LIPH: variants seen among roughly 807,000 people sequenced by gnomAD.
LIPH encodes lipase H, also known as lipase member H.
LIPH carries 32 observed loss-of-function variants against 47.6 expected under a neutral mutation model. That is an observed-to-expected ratio of 0.67 (90% CI 0.51 to 0.90). The LOEUF (loss-of-function observed/expected upper bound fraction) is 0.90, where lower values mean the gene tolerates loss of function less well. Among genes scored for constraint, LIPH ranks in the 40% least tolerant of loss-of-function variants. LIPH has a pLI of 0.00. For synonymous variants in LIPH, 190 were observed against 195.6 expected, an observed-to-expected ratio of 0.97 and a Z score of 0.24; for missense variants, 497 against 541.4, an observed-to-expected ratio of 0.92 and a Z score of 0.81.
At chr3:185,512,264 A>AT (rs1394841084) in intron 8 of LIPH, among the ~76,000 whole-genome samples, 5 of 151,826 alleles carry the variant, frequency 3.3e-5, no homozygotes, top group East Asian at 1.9e-4. Flanking sequence ...TGTAGCATGT[A>AT]TTTTTTTTAG....
chr3:185,521,087 TG>T (rs1437976336), intron 5 of LIPH, among the ~76,000 whole-genome samples: 1 of 152,084 alleles, frequency 6.6e-6, no homozygotes, highest in African/African-American at 2.4e-5. Context: ...AACCTGGCCT[TG>T]AACTCCTGAC....
rs183173826 is a variant in LIPH at position 185,512,767 on chromosome 3, G to T, written c.1095-1070C>A. Among the ~76,000 whole-genome samples, 6 of 145,620 alleles carry T rather than the reference G, an allele frequency of 4.1e-5. No homozygotes were observed. In the South Asian group the frequency reaches 6.7e-4, roughly 16 times the overall value. On this transcript the variant is annotated intron_variant, in intron 8 of 9. Coordinates refer to ENST00000296252, the MANE Select transcript of LIPH (RefSeq NM_139248.3). ...GCCTCCCAAGGTGCTGGAATTACAGGCATGAGCCACCGAGCCTACCCAACA... is the reference window on the plus strand; with the variant it reads ...GCCTCCCAAGGTGCTGGAATTACAGTCATGAGCCACCGAGCCTACCCAACA...
In LIPH at chr3:185,549,583, C is replaced by T. The variant is rs114205583; in HGVS notation, c.49+2840G>A. ...TTAATTTAGAACAATATTTTAAAACCTATGTTTGTTTCACCACCTGCAGCT... is the reference window on the plus strand; with the variant it reads ...TTAATTTAGAACAATATTTTAAAACTTATGTTTGTTTCACCACCTGCAGCT... On this transcript the variant is annotated intron_variant, in intron 1 of 9. Transcript: ENST00000296252. Among the ~76,000 whole-genome samples the T allele has an allele frequency of 2.4e-3, 359 of 152,204 alleles. 2 individuals carry two copies. The highest frequency in any genetic ancestry group is 8.4e-3 in the African/African-American group (349 of 41,516).
intron 1 of LIPH, among the ~76,000 whole-genome samples, chr3:185,536,264 C>T (rs1210261626): frequency 6.6e-6 from 1 of 152,142 alleles, no homozygotes; most frequent in South Asian, 2.1e-4. Flanking sequence ...AGCAAGTCAT[C>T]CCCAGCTCCA....
At chr3:185,517,296 A>G in intron 6 of LIPH, 134 bp from the exon 7 acceptor site, 1 of 645,178 alleles carries the variant, frequency 1.5e-6, no homozygotes, top group Non-Finnish European at 2.8e-6. Flanking sequence ...TCCATCCCCC[A>G]TGGTGAGGGC....
intron 7 of LIPH, among the ~76,000 whole-genome samples, chr3:185,515,132 C>A (rs1264792150): frequency 6.6e-6 from 1 of 152,098 alleles, no homozygotes; most frequent in East Asian, 1.9e-4. Context: ...CTGCCATACT[C>A]TGGACTCTCC....
chr3:185,524,042 C>T (rs1719988114), intron 5 of LIPH, 29 bp downstream of exon 5: 4 of 1,502,144 alleles, frequency 2.7e-6, no homozygotes, highest in Non-Finnish European at 3.7e-6. Flanking sequence ...CCTTTTTATA[C>T]CACTATTTTA....
Position 185,519,836 on chromosome 3 carries a change from C to CAAAAAAAAA in LIPH, c.719-536_719-528dup, listed in dbSNP as rs145391972. On this transcript the variant is annotated intron_variant, in intron 5 of 9. Coordinates refer to ENST00000296252, the MANE Select transcript of LIPH (RefSeq NM_139248.3). Reference sequence around the variant, plus strand: ...TGGGCAACAGAGTGACACTCCATCTCAAAAAAAAAAAAAAAAAAAAAAAAA... The same window carrying CAAAAAAAAA: ...TGGGCAACAGAGTGACACTCCATCTCAAAAAAAAAAAAAAAAAAAAAAAAAAAAAAAAAA... 2.6e-4 allele frequency among the ~76,000 whole-genome samples: 14 copies of CAAAAAAAAA among 53,830 alleles called. 1 individual carries two copies. The highest frequency in any genetic ancestry group is 9.9e-4 in the African/African-American group (12 of 12,178). The allele number at this position is 53,830 out of a possible 152,430, so 35.3% of individuals were successfully genotyped here.
chr3:185,517,041 A>G (rs1719747697), intron 7 of LIPH, 26 bp downstream of exon 7: 6 of 1,485,850 alleles, frequency 4.0e-6, no homozygotes, highest in Non-Finnish European at 4.7e-6. Context: ...GTTAGGCAAA[A>G]GCCAACAACC....
chr3:185,519,245 C>G lies in LIPH; in HGVS notation c.783G>C (p.Glu261Asp). The change falls in exon 6 of 10, where the codon GAG (glutamate) becomes GAC (aspartate). Residue 261 changes from glutamate to aspartate, a missense_variant. Glu to Asp is a conservative substitution (Grantham distance 45). Transcript: ENST00000296252. ...AGGGATACGCAGTGATGGTGCAGCTCTCTCTCAGGGAAGACAGGTACAGGT... is the reference window on the plus strand; with the variant it reads ...AGGGATACGCAGTGATGGTGCAGCTGTCTCTCAGGGAAGACAGGTACAGGT... Reference protein sequence around the residue: ...SVYLYLSSLRESCTITAYPCD... With the variant: ...SVYLYLSSLRDSCTITAYPCD... The G allele has an allele frequency of 6.2e-7, 1 of 1,612,604 alleles. No individual in the cohort carries two copies. Among genetic ancestry groups the G allele is most frequent in the Non-Finnish European group, 8.5e-7 (1 of 1,178,682 alleles).
intron 6 of LIPH, 151 bp from the exon 7 acceptor site, chr3:185,517,313 G>T (rs906191911): frequency 3.2e-6 from 2 of 633,852 alleles, no homozygotes; most frequent in Non-Finnish European, 2.8e-6. Context: ...GGGCCTGCAG[G>T]GTGACCCATC....
chr3:185,511,277 G>C (rs1055644783), intron 9 of LIPH, among the ~76,000 whole-genome samples: 1 of 151,890 alleles, frequency 6.6e-6, no homozygotes, highest in African/African-American at 2.4e-5. Context: ...CGTTGCCCAG[G>C]CTGGCTAGAA....
intron 1 of LIPH, among the ~76,000 whole-genome samples, chr3:185,543,619 G>A (rs142325386): frequency 2.6e-5 from 4 of 152,168 alleles, no homozygotes; most frequent in East Asian, 3.9e-4. Flanking sequence ...CTGGACTTAC[G>A]CCTGTAATCC....
chr3:185,524,829 A>C (rs1720018057), intron 4 of LIPH, among the ~76,000 whole-genome samples: 1 of 152,204 alleles, frequency 6.6e-6, no homozygotes, highest in African/African-American at 2.4e-5. Context: ...ATAACTAATA[A>C]ATAGGATACA....
intron 2 of LIPH, 53 bp from the exon 3 acceptor site, chr3:185,533,732 C>T (rs1720413708): frequency 3.4e-6 from 4 of 1,173,818 alleles, no homozygotes; most frequent in African/African-American, 1.5e-5. Context: ...AAGGAATTAA[C>T]ATTTGTAGAA....
At chr3:185,547,562 C>T (rs1720914533) in intron 1 of LIPH, among the ~76,000 whole-genome samples, 1 of 152,008 alleles carries the variant, frequency 6.6e-6, no homozygotes, top group Non-Finnish European at 1.5e-5. Flanking sequence ...GCCTGTAATC[C>T]CAGAACTTTG....
intron 3 of LIPH, among the ~76,000 whole-genome samples, chr3:185,531,615 T>C (rs1376002508): frequency 8.0e-5 from 12 of 149,942 alleles, no homozygotes; most frequent in African/African-American, 2.9e-4. Flanking sequence ...AGCTGGTGGC[T>C]CACACCTGTA....
intron 5 of LIPH, among the ~76,000 whole-genome samples, chr3:185,520,700 G>T (rs1460671556): frequency 6.6e-6 from 1 of 151,902 alleles, no homozygotes; most frequent in African/African-American, 2.4e-5. Flanking sequence ...CACAAAAATC[G>T]AGAGAAGGAT....
chr3:185,515,810 C>T (rs990470828), intron 7 of LIPH, among the ~76,000 whole-genome samples: 1 of 152,140 alleles, frequency 6.6e-6, no homozygotes, highest in African/African-American at 2.4e-5. Flanking sequence ...GGAATGCAGG[C>T]GTGAGCCACC....
Sources: gnomAD v4.1 joint callset for allele counts (sites outside exome capture counted in the v4.1 genomes callset) on GRCh38, gnomAD v4.1.1 for gene constraint, MANE v1.5 for transcripts, NCBI Gene and HGNC (gene_info 2026-07-23, HGNC 2026-07-21) for gene names.